The following FRMD8 variants were observed in gnomAD, a reference collection of about 807,000 sequenced individuals.
FRMD8 encodes the protein FERM domain-containing protein 8.
A neutral mutation model predicts 54.2 loss-of-function variants in FRMD8; 37 were observed. That is an observed-to-expected ratio of 0.68 (90% CI 0.53 to 0.90). The LOEUF (loss-of-function observed/expected upper bound fraction) is 0.90. Among genes scored for constraint, FRMD8 ranks in the 40% least tolerant of loss-of-function variants. The pLI is 0.00. For missense variants in FRMD8, 585 were observed against 653.7 expected (o/e 0.89, Z 1.15); for synonymous variants, 246 against 286.9 (o/e 0.86, Z 1.44).
At chr11:65,381,751 C>T (rs1383243007), upstream of FRMD8, 9 of 776,848 alleles carry the variant, frequency 1.2e-5, no homozygotes, top group Non-Finnish European at 2.0e-5. Flanking sequence ...GAGACAGGGG[C>T]CTCCCTATGT....
In FRMD8 at chr11:65,404,789, A is replaced by G; in HGVS notation, c.1072-75A>G. ...TCCCCTGCTTCCCCAACCAGAGAGC[A>G]GAGCTCATTTCAGGCTCAGCAACAG... On this transcript the variant is annotated intron_variant, in intron 9 of 10. Coordinates refer to ENST00000317568, the MANE Select transcript of FRMD8 (RefSeq NM_031904.5). The surrounding 1 kb of genome is among the most constrained non-coding windows in gnomAD (Gnocchi z 4.7). The G allele has an allele frequency of 7.9e-7, 1 of 1,264,748 alleles. No homozygotes were observed. The highest frequency in any genetic ancestry group is 1.3e-5 in the South Asian group (1 of 76,230). The allele number at this position is 1,264,748 out of a possible 1,614,324, so 78.3% of individuals were successfully genotyped here.
chr11:65,384,433 C>A (rs1479512908), upstream of FRMD8, among the ~76,000 whole-genome samples: 1 of 151,946 alleles, frequency 6.6e-6, no homozygotes, highest in African/African-American at 2.4e-5. Context: ...GCCTCCCCAC[C>A]ACCACCGCAG....
At chr11:65,374,485 A>G in the FRMD8 span, among the ~76,000 whole-genome samples, 2 of 152,196 alleles carry the variant, frequency 1.3e-5, no homozygotes, top group Non-Finnish European at 2.9e-5. Flanking sequence ...ATCAACTGTG[A>G]TCATAACACT....
At chr11:65,383,979 A>G (rs1301092887), upstream of FRMD8, among the ~76,000 whole-genome samples, 1 of 152,074 alleles carries the variant, frequency 6.6e-6, no homozygotes. Flanking sequence ...TGTTTGCCAA[A>G]GTAGGACAGC....
chr11:65,377,035 T>C, the FRMD8 span: 1 of 1,614,050 alleles, frequency 6.2e-7, no homozygotes, highest in Non-Finnish European at 8.5e-7. Context: ...TCTGGTTTTG[T>C]AGCCGGACTT....
At chr11:65,390,675 TTTCAC>T (rs1471806840) in intron 3 of FRMD8, among the ~76,000 whole-genome samples, 1 of 152,084 alleles carries the variant, frequency 6.6e-6, no homozygotes, top group Non-Finnish European at 1.5e-5. Flanking sequence ...GTCACCTCTC[TTTCAC>T]CTCCGGGCCT....
At chr11:65,407,285 T>C (rs1453010372) in intron 10 of FRMD8, among the ~76,000 whole-genome samples, 1 of 151,658 alleles carries the variant, frequency 6.6e-6, no homozygotes, top group Non-Finnish European at 1.5e-5. Context: ...AGAGTCTCGC[T>C]CTGTCACCCA....
chr11:65,411,618 C>G lies in FRMD8; in HGVS notation c.*258C>G. 1 of 373,028 alleles carries G rather than the reference C, an allele frequency of 2.7e-6. No individual in the cohort carries two copies. The highest frequency in any genetic ancestry group is 4.2e-5 in the East Asian group (1 of 23,602). The allele number at this position is 373,028 out of a possible 1,614,324, so 23.1% of individuals were successfully genotyped here. ...CGGATGCTGGGCCCTGCTGCTCTCTCAGGACCATCCGATCAAGCTGCAGCT... is the reference window on the plus strand; with the variant it reads ...CGGATGCTGGGCCCTGCTGCTCTCTGAGGACCATCCGATCAAGCTGCAGCT... On this transcript the variant is annotated 3_prime_UTR_variant, in exon 11 of 11. Coordinates refer to ENST00000317568, the MANE Select transcript of FRMD8 (RefSeq NM_031904.5).
the FRMD8 span, among the ~76,000 whole-genome samples, chr11:65,368,264 C>T: frequency 2.6e-5 from 4 of 151,740 alleles, no homozygotes; most frequent in Non-Finnish European, 5.9e-5. Context: ...TTAGTAGAGA[C>T]GGGGTTTCAC....
the FRMD8 span, among the ~76,000 whole-genome samples, chr11:65,369,203 T>C: frequency 1.3e-4 from 20 of 152,184 alleles, no homozygotes; most frequent in South Asian, 2.1e-3. Context: ...ACAACAGGCA[T>C]AAGTCAAAGG....
In FRMD8 at chr11:65,404,348, C is replaced by T. The variant is rs550920629; in HGVS notation, c.1072-516C>T. Reference sequence around the variant, plus strand: ...GTGCCCAGCTGTGCCCGCTGGCACCCGGCTGCTGCATCTTTTCTGTCAGTG... The same window carrying T: ...GTGCCCAGCTGTGCCCGCTGGCACCTGGCTGCTGCATCTTTTCTGTCAGTG... On this transcript the variant is annotated intron_variant, in intron 9 of 10. Transcript: ENST00000317568. This position sits in a 1 kb window ranked among gnomAD's most constrained non-coding sequence, Gnocchi z 4.7. Among the ~76,000 whole-genome samples, 3 of 152,186 alleles carry T rather than the reference C, an allele frequency of 2.0e-5. No homozygotes were observed. Among genetic ancestry groups the T allele is most frequent in the Non-Finnish European group, 4.4e-5 (3 of 68,034 alleles).
At chr11:65,402,429 C>T (rs960587411) in intron 9 of FRMD8, among the ~76,000 whole-genome samples, 3 of 151,802 alleles carry the variant, frequency 2.0e-5, no homozygotes. Flanking sequence ...ATGTGTGGGT[C>T]TGTTTCTGGA....
At position 65,393,074 on chromosome 11, in the gene FRMD8, G is replaced by T. The variant is rs191163558; in HGVS notation, c.254-499G>T. Among the ~76,000 whole-genome samples, 6 of 152,316 alleles carry T rather than the reference G, an allele frequency of 3.9e-5. 1 individual carries two copies. In the East Asian group the frequency reaches 1.2e-3, roughly 29 times the overall value. On this transcript the variant is annotated intron_variant, in intron 3 of 10. Coordinates refer to ENST00000317568, the MANE Select transcript of FRMD8 (RefSeq NM_031904.5). The stretch of plus-strand genomic sequence containing the variant: ...TGGGTTGCGTGTGGGCCACGGAGGT[G>T]CAGAGCTTGCAGGATGGAAGGTCAG...
the FRMD8 span, among the ~76,000 whole-genome samples, chr11:65,370,699 CA>C: frequency 1.4e-3 from 198 of 137,922 alleles, no homozygotes; most frequent in Middle Eastern, 3.7e-3. Flanking sequence ...GACTCTGTCT[CA>C]AAAAAAAAAA....
chr11:65,385,078 C>T (rs889954775), upstream of FRMD8, among the ~76,000 whole-genome samples: 3 of 152,182 alleles, frequency 2.0e-5, no homozygotes, highest in African/African-American at 7.2e-5. Context: ...GGCAGGGCCA[C>T]GTCTCCCCTC....
At chr11:65,380,501 G>T in the FRMD8 span, 2 of 1,383,098 alleles carry the variant, frequency 1.4e-6, no homozygotes, top group African/African-American at 2.9e-5. Context: ...CCTATGAGCC[G>T]CGGGACTCTG....
At chr11:65,381,768 G>T, upstream of FRMD8, 1 of 950,280 alleles carries the variant, frequency 1.1e-6, no homozygotes, top group Non-Finnish European at 1.7e-6. Context: ...ATGTTGCCCA[G>T]ACTGGTCTCA....
intron 10 of FRMD8, 104 bp downstream of exon 10, chr11:65,405,172 G>T: frequency 9.0e-7 from 1 of 1,116,464 alleles, no homozygotes; most frequent in Non-Finnish European, 1.3e-6. Flanking sequence ...TCCAGACCCA[G>T]TGTGAGCTGG....
chr11:65,376,412 C>A, the FRMD8 span: 1 of 1,612,710 alleles, frequency 6.2e-7, no homozygotes, highest in East Asian at 2.2e-5. Flanking sequence ...AGGGCTCATC[C>A]CCACCAGCGG....
Sources: gnomAD v4.1 joint callset for allele counts (sites outside exome capture counted in the v4.1 genomes callset) on GRCh38, gnomAD v4.1.1 for gene constraint, Gnocchi (gnomAD v3.1) non-coding constraint, MANE v1.5 for transcripts, NCBI Gene and HGNC (gene_info 2026-07-23, HGNC 2026-07-21) for gene names.